CNTRL: variants seen among roughly 807,000 people sequenced by gnomAD.
The protein encoded by CNTRL is centriolin, also known as 110 kDa centrosomal protein.
CNTRL carries 233 observed loss-of-function variants against 303.7 expected under a neutral mutation model. The observed-to-expected ratio is 0.77, with a 90% CI of 0.69 to 0.86. The LOEUF is 0.86. CNTRL is among the 40% of genes least tolerant of loss of function. The pLI is 0.00. For synonymous variants in CNTRL, 900 were observed against 922.2 expected, an observed-to-expected ratio of 0.98 and a Z score of 0.44; for missense variants, 2,524 against 2,650.6, an observed-to-expected ratio of 0.95 and a Z score of 1.05.
Position 121,168,283 on chromosome 9 carries a change from G to A in CNTRL, c.6032G>A (p.Arg2011Lys), listed in dbSNP as rs143411402. 1.2e-6 allele frequency: 2 copies of A among 1,614,152 alleles called. No individual in the cohort carries two copies. The highest frequency in any genetic ancestry group is 1.7e-6 in the Non-Finnish European group (2 of 1,180,036). ...ERVRTLQEEERWCESLEKTLS... is the reference protein window; with the variant it reads ...ERVRTLQEEEKWCESLEKTLS... ...GTTAGGACTCTGCAGGAAGAGGAGAGGTGGTGTGAGAGCCTGGAGAAGACA... is the reference window on the plus strand; with the variant it reads ...GTTAGGACTCTGCAGGAAGAGGAGAAGTGGTGTGAGAGCCTGGAGAAGACA... Residue 2011 changes from arginine to lysine, a missense_variant, in exon 38 of 44, where the codon AGG becomes AAG. Coordinates refer to ENST00000373855, the MANE Select transcript of CNTRL (RefSeq NM_007018.6).
chr9:121,143,806 G>C, intron 19 of CNTRL, 97 bp from the exon 20 acceptor site: 2 of 836,388 alleles, frequency 2.4e-6, no homozygotes. Context: ...ATTGTTCTAG[G>C]CAGCAGTGAA....
intron 7 of CNTRL, among the ~76,000 whole-genome samples, chr9:121,101,892 A>C (rs533148780): frequency 6.8e-4 from 103 of 152,346 alleles, no homozygotes; most frequent in African/African-American, 2.1e-3. Flanking sequence ...CAGGCTCTGA[A>C]ATTGATGCAA....
At position 121,144,917 on chromosome 9, in the gene CNTRL, G is replaced by T. The variant is rs374092193; in HGVS notation, c.3126G>T (p.Glu1042Asp). 6.2e-7 allele frequency: 1 copy of T among 1,613,600 alleles called. No individual in the cohort carries two copies. Among genetic ancestry groups the T allele is most frequent in the East Asian group, 2.2e-5 (1 of 44,880 alleles). The change falls in exon 21 of 44, where the codon GAG becomes GAT. Residue 1042 changes from glutamate to aspartate, a missense_variant. Coordinates refer to ENST00000373855, the MANE Select transcript of CNTRL (RefSeq NM_007018.6). ...AARDLTRAEA[E>D]IELLQNLLRQ... Reference sequence around the variant, plus strand: ...GAGATCTCACCCGAGCAGAAGCTGAGATCGAACTCCTGCAGAATCTCCTCA... The same window carrying T: ...GAGATCTCACCCGAGCAGAAGCTGATATCGAACTCCTGCAGAATCTCCTCA...
intron 26 of CNTRL, among the ~76,000 whole-genome samples, chr9:121,153,509 A>T (rs1486989190): frequency 1.3e-5 from 2 of 152,114 alleles, no homozygotes; most frequent in Non-Finnish European, 2.9e-5. Flanking sequence ...TCTCATTAAA[A>T]GCCTATTTCT....
chr9:121,131,561 C>T (rs2050859926), intron 14 of CNTRL, among the ~76,000 whole-genome samples: 1 of 152,208 alleles, frequency 6.6e-6, no homozygotes, highest in Non-Finnish European at 1.5e-5. Context: ...ATATAGCACA[C>T]TGATGGGTCT....
In CNTRL at chr9:121,075,084, G is replaced by T; in HGVS notation, c.-205+17G>T. On this transcript the variant is annotated intron_variant, in intron 1 of 43. Coordinates refer to ENST00000373855, the MANE Select transcript of CNTRL (RefSeq NM_007018.6). ...TTCTAGGCGGTGAGCGTCAGACCTG[G>T]CCGAGCCCGTTCCCCGGCATCCGGC... is the stretch of plus-strand genomic sequence containing the variant. 2 of 385,910 alleles carry T rather than the reference G, an allele frequency of 5.2e-6. No individual in the cohort carries two copies. Among genetic ancestry groups the T allele is most frequent in the Admixed American group, 3.0e-5 (1 of 33,770 alleles). 23.9% of individuals were successfully genotyped at this position (385,910 alleles called of 1,614,324 possible). A position where few individuals can be genotyped will look rare whatever the true frequency, so the allele number is the denominator to read the frequency against.
intron 7 of CNTRL, among the ~76,000 whole-genome samples, chr9:121,103,780 C>T (rs2049309663): frequency 6.6e-6 from 1 of 151,682 alleles, no homozygotes. Flanking sequence ...AAAAAATGCT[C>T]ATCATCACTG....
rs2053137173 is a variant in CNTRL at position 121,167,356 on chromosome 9, TTTA to T, written c.5656-130_5656-128del. Reference sequence around the variant, plus strand: ...ATCTAAATTCTCTTGTACCTGTAAGTTTATTGAGATAATAAAGGAAATAAACTT... The same window carrying T: ...ATCTAAATTCTCTTGTACCTGTAAGTTTGAGATAATAAAGGAAATAAACTT... On this transcript the variant is annotated intron_variant, in intron 36 of 43. Transcript: ENST00000373855. 9.7e-6 allele frequency: 7 copies of T among 719,314 alleles called. No homozygotes were observed. In the South Asian group the frequency reaches 1.5e-4, roughly 16 times the overall value. The allele number at this position is 719,314 out of a possible 1,614,324, so 44.6% of individuals were successfully genotyped here. A position where few individuals can be genotyped will look rare whatever the true frequency, so the allele number is the denominator to read the frequency against.
chr9:121,109,619 C>G (rs73662481), intron 8 of CNTRL, among the ~76,000 whole-genome samples: 1 of 151,866 alleles, frequency 6.6e-6, no homozygotes, highest in African/African-American at 2.4e-5. Context: ...TGCATTCATA[C>G]TAGTATTTCT....
chr9:121,075,915 G>A (rs944840653), intron 1 of CNTRL, among the ~76,000 whole-genome samples: 1 of 152,086 alleles, frequency 6.6e-6, no homozygotes. Context: ...AGGCTGTTTC[G>A]TTCCAGAATC....
At chr9:121,166,277 C>T (rs1450733447) in intron 36 of CNTRL, 97 bp downstream of exon 36, 12 of 790,486 alleles carry the variant, frequency 1.5e-5, no homozygotes, top group Non-Finnish European at 2.4e-5. Context: ...TTCCTCTTCA[C>T]AACAGCAGAT....
intron 11 of CNTRL, among the ~76,000 whole-genome samples, chr9:121,115,561 A>G (rs1394687583): frequency 6.6e-6 from 1 of 152,040 alleles, no homozygotes; most frequent in Non-Finnish European, 1.5e-5. Flanking sequence ...TAGCATGAAC[A>G]TTGTCATCAA....
intron 36 of CNTRL, among the ~76,000 whole-genome samples, chr9:121,166,482 A>T (rs139948611): frequency 2.8e-4 from 43 of 152,268 alleles, no homozygotes; most frequent in Middle Eastern, 3.4e-3. Flanking sequence ...CAGGGACCAG[A>T]TGGGCCATCT....
intron 14 of CNTRL, among the ~76,000 whole-genome samples, chr9:121,129,670 T>A (rs1382684625): frequency 1.3e-5 from 2 of 152,202 alleles, no homozygotes; most frequent in Non-Finnish European, 2.9e-5. Flanking sequence ...TCCAACACTA[T>A]GTTGAATAGG....
intron 10 of CNTRL, among the ~76,000 whole-genome samples, chr9:121,114,350 C>T (rs1201319923): frequency 6.6e-6 from 1 of 152,204 alleles, no homozygotes; most frequent in African/African-American, 2.4e-5. Context: ...GTGCATCCCC[C>T]CAGCATTATG....
At chr9:121,111,926 G>T (rs1054254464) in intron 8 of CNTRL, among the ~76,000 whole-genome samples, 2 of 152,044 alleles carry the variant, frequency 1.3e-5, no homozygotes, top group Non-Finnish European at 2.9e-5. Context: ...TTATTACAAA[G>T]AATAATATTC....
At chr9:121,086,233 A>G (rs1257893060) in intron 2 of CNTRL, among the ~76,000 whole-genome samples, 1 of 152,248 alleles carries the variant, frequency 6.6e-6, no homozygotes, top group Non-Finnish European at 1.5e-5. Context: ...CTCGGGAGAC[A>G]GTGTAAACAA....
intron 1 of CNTRL, among the ~76,000 whole-genome samples, chr9:121,076,739 G>A (rs562627843): frequency 6.6e-6 from 1 of 152,178 alleles, no homozygotes; most frequent in Admixed American, 6.5e-5. Flanking sequence ...CAGAATGGGG[G>A]AATTGGCTTT....
chr9:121,144,232 C>G, intron 20 of CNTRL, 150 bp downstream of exon 20: 1 of 656,204 alleles, frequency 1.5e-6, no homozygotes, highest in Non-Finnish European at 2.5e-6. Flanking sequence ...AGATTATATT[C>G]CCCCCATCAC....
Sources: gnomAD v4.1 joint callset for allele counts (sites outside exome capture counted in the v4.1 genomes callset) on GRCh38, gnomAD v4.1.1 for gene constraint, MANE v1.5 for transcripts, NCBI Gene and HGNC (gene_info 2026-07-23, HGNC 2026-07-21) for gene names.